PAGE2B: variants seen among roughly 807,000 people sequenced by gnomAD.
PAGE2B encodes putative G antigen family E member 3.
In PAGE2B, 5 loss-of-function variants were observed where a neutral mutation model predicts 7.6. The ratio of observed to expected loss-of-function variants is 0.66; its 90% CI spans 0.34 to 1.38. The LOEUF (loss-of-function observed/expected upper bound fraction) is 1.38. Among genes scored for constraint, PAGE2B ranks in the 40% most tolerant of loss-of-function variants. The pLI, the probability that PAGE2B is intolerant of heterozygous loss-of-function variation, is 0.04. For synonymous variants in PAGE2B, 29 were observed against 26.7 expected (o/e 1.09, Z -0.27); for missense variants, 70 against 78.4 (o/e 0.89, Z 0.41).
the PAGE2B span, among the ~76,000 whole-genome samples, chrX:55,044,393 G>A: frequency 1.8e-5 from 2 of 111,431 alleles, no homozygotes; most frequent in African/African-American, 6.5e-5. Context: ...ACTTATAAGT[G>A]GGATCTAAGC....
chrX:55,037,294 T>A, the PAGE2B span, among the ~76,000 whole-genome samples: 1 of 111,945 alleles, frequency 8.9e-6, no homozygotes, highest in Non-Finnish European at 1.9e-5. Context: ...AAAAGACATA[T>A]GAAAAAATGC....
the PAGE2B span, among the ~76,000 whole-genome samples, chrX:55,043,258 T>C: frequency 8.9e-6 from 1 of 111,776 alleles, no homozygotes; most frequent in Non-Finnish European, 1.9e-5. Flanking sequence ...TGAGGAAAAC[T>C]CTTCTAGACA....
At chrX:55,052,374 T>C in the PAGE2B span, among the ~76,000 whole-genome samples, 3 of 112,467 alleles carry the variant, frequency 2.7e-5, no homozygotes, top group East Asian at 8.5e-4. Flanking sequence ...AGGTTATTGC[T>C]GTCTTTTGTT....
At chrX:55,060,272 C>T in the PAGE2B span, among the ~76,000 whole-genome samples, 1 of 111,241 alleles carries the variant, frequency 9.0e-6, no homozygotes, top group African/African-American at 3.3e-5. Flanking sequence ...TCAATATCCC[C>T]CCAACACTTG....
At chrX:55,048,863 A>G in the PAGE2B span, among the ~76,000 whole-genome samples, 1 of 111,643 alleles carries the variant, frequency 9.0e-6, no homozygotes, top group Non-Finnish European at 1.9e-5. Context: ...GTGGTGAGAG[A>G]GGGCATCCCT....
chrX:55,030,873 A>C, the PAGE2B span: 1 of 318,499 alleles, frequency 3.1e-6, no homozygotes, highest in Admixed American at 3.5e-5. Context: ...CCAGAGAGTC[A>C]GTGTGTACAG....
the PAGE2B span, among the ~76,000 whole-genome samples, chrX:55,034,340 T>A: frequency 8.9e-6 from 1 of 112,105 alleles, no homozygotes; most frequent in African/African-American, 3.2e-5. Context: ...TTTGCCCTAA[T>A]ACCATTTGGT....
the PAGE2B span, among the ~76,000 whole-genome samples, chrX:55,060,566 T>C: frequency 8.9e-6 from 1 of 112,039 alleles, no homozygotes; most frequent in East Asian, 2.8e-4. Context: ...TCTCTCATTG[T>C]GCAGGTTGCA....
chrX:55,054,979 A>T, the PAGE2B span: 1 of 111,642 alleles, frequency 9.0e-6, no homozygotes. Context: ...TTTTTCAACC[A>T]CAACAGAGAG....
At chrX:55,059,971 T>C in the PAGE2B span, among the ~76,000 whole-genome samples, 3 of 111,532 alleles carry the variant, frequency 2.7e-5, no homozygotes, top group African/African-American at 3.2e-5. Flanking sequence ...TAAAGCTGAA[T>C]AGTATTCCAT....
chrX:55,051,730 T>G, the PAGE2B span, among the ~76,000 whole-genome samples: 5 of 111,421 alleles, frequency 4.5e-5, no homozygotes, highest in Non-Finnish European at 9.4e-5. Context: ...TTCAAAGTTT[T>G]TATCTTCTTT....
chrX:55,034,395 A>G, the PAGE2B span, among the ~76,000 whole-genome samples: 2 of 111,667 alleles, frequency 1.8e-5, no homozygotes, highest in East Asian at 2.8e-4. Context: ...AATGGTTTCC[A>G]TGATAATTTG....
chrX:55,074,605 C>A (rs1285255425), upstream of PAGE2B, among the ~76,000 whole-genome samples: 2 of 112,105 alleles, frequency 1.8e-5, no homozygotes, highest in African/African-American at 6.5e-5. Flanking sequence ...CAACCAAAAA[C>A]TATGAATGTC....
chrX:55,074,814 G>C (rs1405774723), upstream of PAGE2B, among the ~76,000 whole-genome samples: 23 of 112,430 alleles, frequency 2.0e-4, no homozygotes, highest in African/African-American at 6.8e-4. Flanking sequence ...TGAAAGAAAG[G>C]GTGGGCGGGG....
the PAGE2B span, among the ~76,000 whole-genome samples, chrX:55,069,490 C>T: frequency 7.4e-5 from 8 of 108,232 alleles, no homozygotes; most frequent in African/African-American, 2.9e-4. Flanking sequence ...GGATATTGAT[C>T]TAAAATTCTC....
At chrX:55,033,414 T>A in the PAGE2B span, among the ~76,000 whole-genome samples, 6 of 111,029 alleles carry the variant, frequency 5.4e-5, no homozygotes, top group Admixed American at 2.9e-4. Context: ...TGATATCTCC[T>A]CTCCTTTAGA....
intron 4 of PAGE2B, among the ~76,000 whole-genome samples, chrX:55,077,738 C>T (rs771203770): frequency 3.6e-5 from 4 of 112,474 alleles, no homozygotes; most frequent in African/African-American, 1.3e-4. Flanking sequence ...CTTTGGGAGG[C>T]CGAGACAGAA....
the PAGE2B span, among the ~76,000 whole-genome samples, chrX:55,049,401 C>A: frequency 1.8e-5 from 2 of 111,112 alleles, no homozygotes; most frequent in African/African-American, 3.3e-5. Flanking sequence ...CTCCTTGTAC[C>A]TCTGGTAGAA....
At chrX:55,070,319 G>A (rs745460103), upstream of PAGE2B, among the ~76,000 whole-genome samples, 85 of 112,014 alleles carry the variant, frequency 7.6e-4, no homozygotes, top group African/African-American at 2.8e-3. Context: ...GGAGCAGCTT[G>A]TTCAGTTTCC....
Sources: gnomAD v4.1 joint callset for allele counts (sites outside exome capture counted in the v4.1 genomes callset) on GRCh38, gnomAD v4.1.1 for gene constraint, MANE v1.5 for transcripts, NCBI Gene and HGNC (gene_info 2026-07-23, HGNC 2026-07-21) for gene names.